RAI14: variants seen among roughly 807,000 people sequenced by gnomAD.
RAI14 encodes retinoic acid induced 14.
RAI14 carries 45 observed loss-of-function variants against 115.4 expected under a neutral mutation model. The ratio of observed to expected loss-of-function variants is 0.39; its 90% CI spans 0.31 to 0.50. The LOEUF (loss-of-function observed/expected upper bound fraction) is 0.50. RAI14 is among the 20% of genes least tolerant of loss of function. The pLI is 0.85. For missense variants in RAI14, 939 were observed against 1,131.2 expected, an observed-to-expected ratio of 0.83 and a Z score of 2.44; for synonymous variants, 371 against 415.4, an observed-to-expected ratio of 0.89 and a Z score of 1.30.
At chr5:34,780,466 G>C (rs138956959) in intron 3 of RAI14, among the ~76,000 whole-genome samples, 4,105 of 152,166 alleles carry the variant, frequency 0.027, 191 homozygotes, top group African/African-American at 0.093. Flanking sequence ...TTTTTGCAAT[G>C]TACTCATCTG....
At chr5:34,790,106 A>G (rs1752743878) in intron 3 of RAI14, among the ~76,000 whole-genome samples, 1 of 152,246 alleles carries the variant, frequency 6.6e-6, no homozygotes, top group Non-Finnish European at 1.5e-5. Context: ...ACAGAAAAGA[A>G]GTTCATAGTG....
At chr5:34,687,756 T>C in intron 2 of RAI14, 1 of 1,545,638 alleles carries the variant, frequency 6.5e-7, no homozygotes, top group Non-Finnish European at 8.8e-7. Context: ...TGTTCAGCTA[T>C]CATTTCAGGC....
chr5:34,751,716 T>C (rs966519896), intron 2 of RAI14, among the ~76,000 whole-genome samples: 1 of 152,230 alleles, frequency 6.6e-6, no homozygotes, highest in South Asian at 2.1e-4. Flanking sequence ...TTGCCTGTTA[T>C]GAGCGATGCT....
At chr5:34,815,276 G>A (rs1358910588) in intron 12 of RAI14, among the ~76,000 whole-genome samples, 3 of 152,088 alleles carry the variant, frequency 2.0e-5, no homozygotes, top group Admixed American at 6.5e-5. Context: ...AGCTACTTAG[G>A]CGGCTGAGGC....
chr5:34,732,606 T>G (rs1318279112), intron 2 of RAI14, among the ~76,000 whole-genome samples: 1 of 151,630 alleles, frequency 6.6e-6, no homozygotes, highest in Non-Finnish European at 1.5e-5. Context: ...GCCTGGCTAA[T>G]TTTTGTGTTT....
At chr5:34,806,493 G>C (rs1045493752) in intron 5 of RAI14, among the ~76,000 whole-genome samples, 1 of 152,164 alleles carries the variant, frequency 6.6e-6, no homozygotes, top group African/African-American at 2.4e-5. Context: ...GTGAGAAGAC[G>C]CTGTCCTAGA....
At chr5:34,808,414 T>C (rs1483024586) in intron 6 of RAI14, among the ~76,000 whole-genome samples, 170 bp from the exon 7 acceptor site, 2 of 152,246 alleles carry the variant, frequency 1.3e-5, no homozygotes, top group Non-Finnish European at 2.9e-5. Context: ...TAAGCAGTAA[T>C]TTTAAACACC....
In RAI14 at chr5:34,827,667, T is replaced by C. The variant is rs1757585951; in HGVS notation, c.2799+1188T>C. 6.6e-6 allele frequency among the ~76,000 whole-genome samples: 1 copy of C among 152,218 alleles called. No homozygotes were observed. Among genetic ancestry groups the C allele is most frequent in the East Asian group, 1.9e-4 (1 of 5,202 alleles). ...ATACTTAGGAGAAGCTGCTCTTTAC[T>C]GTGTTCTGCAGGTCATTCTTCTCCT... On this transcript the variant is annotated intron_variant, in intron 16 of 17. Coordinates refer to ENST00000265109, the MANE Select transcript of RAI14 (RefSeq NM_015577.3). This position sits in a 1 kb window ranked among gnomAD's most constrained non-coding sequence, Gnocchi z 4.2.
intron 2 of RAI14, among the ~76,000 whole-genome samples, chr5:34,707,075 A>G (rs1186769109): frequency 6.6e-6 from 1 of 152,240 alleles, no homozygotes; most frequent in East Asian, 1.9e-4. Context: ...TGTTGTGGAC[A>G]GAACCGCAGG....
chr5:34,818,917 G>C, intron 13 of RAI14, 66 bp downstream of exon 13: 2 of 1,423,640 alleles, frequency 1.4e-6, no homozygotes, highest in Non-Finnish European at 9.8e-7. Flanking sequence ...CATTTAAAGA[G>C]AGCAAAGGCC....
At chr5:34,695,829 A>G (rs978131901) in intron 2 of RAI14, among the ~76,000 whole-genome samples, 1 of 138,126 alleles carries the variant, frequency 7.2e-6, no homozygotes, top group Non-Finnish European at 1.5e-5. Context: ...TTTCTGTGAC[A>G]GTGTCTTTCT....
At chr5:34,829,650 C>T in intron 16 of RAI14, 82 bp from the exon 17 acceptor site, 2 of 1,196,834 alleles carry the variant, frequency 1.7e-6, no homozygotes, top group Non-Finnish European at 2.4e-6. Flanking sequence ...TAGCATTTGG[C>T]TGCAGCTTTC....
intron 2 of RAI14, among the ~76,000 whole-genome samples, chr5:34,692,911 G>T (rs1435688916): frequency 6.6e-6 from 1 of 152,180 alleles, no homozygotes; most frequent in African/African-American, 2.4e-5. Flanking sequence ...TACTGGCACG[G>T]TTGGTTCCTT....
At chr5:34,660,839 C>T (rs896056354) in intron 1 of RAI14, among the ~76,000 whole-genome samples, 10 of 151,102 alleles carry the variant, frequency 6.6e-5, no homozygotes, top group Admixed American at 4.6e-4. Flanking sequence ...TCATCATGCT[C>T]GTGAATTCTG....
chr5:34,822,246 G>GTATATATA (rs1554012453), intron 14 of RAI14, among the ~76,000 whole-genome samples: 2 of 75,728 alleles, frequency 2.6e-5, no homozygotes, highest in African/African-American at 1.1e-4. Context: ...ATGTATGTGT[G>GTATATATA]TATGTATATA....
intron 13 of RAI14, among the ~76,000 whole-genome samples, chr5:34,820,367 G>A (rs1288038820): frequency 1.3e-5 from 2 of 152,154 alleles, no homozygotes; most frequent in Non-Finnish European, 2.9e-5. Flanking sequence ...ATCACCTGAG[G>A]TCAGGAGTTC....
At chr5:34,784,277 G>A (rs1040452044) in intron 3 of RAI14, among the ~76,000 whole-genome samples, 3 of 152,118 alleles carry the variant, frequency 2.0e-5, no homozygotes, top group African/African-American at 7.2e-5. Context: ...TATCTTTTGA[G>A]CCAGAATAAA....
chr5:34,714,847 G>A (rs1456444691), intron 2 of RAI14, among the ~76,000 whole-genome samples: 1 of 152,084 alleles, frequency 6.6e-6, no homozygotes, highest in Non-Finnish European at 1.5e-5. Flanking sequence ...CAGCTATGCT[G>A]GAAGGATCAA....
At chr5:34,727,740 A>C (rs1743653245) in intron 2 of RAI14, among the ~76,000 whole-genome samples, 1 of 152,084 alleles carries the variant, frequency 6.6e-6, no homozygotes, top group Admixed American at 6.5e-5. Flanking sequence ...AGAAATCAAG[A>C]ATTGAGGTTT....
Sources: allele counts gnomAD v4.1 joint callset (sites outside exome capture counted in the v4.1 genomes callset), GRCh38; gene constraint gnomAD v4.1.1; non-coding constraint Gnocchi (gnomAD v3.1); transcripts MANE v1.5; gene names NCBI Gene and HGNC (gene_info 2026-07-23, HGNC 2026-07-21).